The following TTC28 variants were observed in gnomAD, a reference collection of about 807,000 sequenced individuals.
TTC28 encodes the protein tetratricopeptide repeat protein 28.
A neutral mutation model predicts 198.0 loss-of-function variants in TTC28; 61 were observed. That is an observed-to-expected ratio of 0.31 (90% CI 0.25 to 0.38). TTC28 has a LOEUF of 0.38. TTC28 is among the 10% of genes least tolerant of loss of function. The pLI, the probability that TTC28 is intolerant of heterozygous loss-of-function variation, is 1.00. For missense variants in TTC28, 2,678 were observed against 3,164.0 expected, an observed-to-expected ratio of 0.85 and a Z score of 3.69; for synonymous variants, 1,171 against 1,297.8, an observed-to-expected ratio of 0.90 and a Z score of 2.10.
chr22:28,570,601 T>C (rs557101268), intron 2 of TTC28, among the ~76,000 whole-genome samples: 1 of 152,306 alleles, frequency 6.6e-6, no homozygotes, highest in East Asian at 1.9e-4. Context: ...TTGGGTGCTA[T>C]GTTTATTACC....
intron 2 of TTC28, among the ~76,000 whole-genome samples, chr22:28,388,708 C>T (rs1349771749): frequency 2.6e-5 from 4 of 152,086 alleles, no homozygotes; most frequent in African/African-American, 9.7e-5. Flanking sequence ...TGAGAATTTG[C>T]TCAAGTTGCT....
At chr22:28,045,157 A>C (rs1398370850) in intron 12 of TTC28, among the ~76,000 whole-genome samples, 1 of 152,190 alleles carries the variant, frequency 6.6e-6, no homozygotes, top group Admixed American at 6.5e-5. Flanking sequence ...CAACTCAACC[A>C]ATATGAATGC....
intron 6 of TTC28, among the ~76,000 whole-genome samples, chr22:28,140,797 G>A (rs184747309): frequency 5.0e-4 from 76 of 151,882 alleles, no homozygotes; most frequent in African/African-American, 1.7e-3. Flanking sequence ...CAGAAATGAC[G>A]TTTTTTTTCC....
chr22:28,266,680 A>G (rs1931704484), intron 5 of TTC28, among the ~76,000 whole-genome samples: 1 of 152,198 alleles, frequency 6.6e-6, no homozygotes, highest in Non-Finnish European at 1.5e-5. Context: ...GGAAATTGCC[A>G]AGCCACTGAC....
At chr22:28,022,209 C>G (rs1938638602) in intron 13 of TTC28, among the ~76,000 whole-genome samples, 1 of 152,188 alleles carries the variant, frequency 6.6e-6, no homozygotes, top group African/African-American at 2.4e-5. Flanking sequence ...CTCATCTGGC[C>G]TGTGCCCTCT....
chr22:28,387,906 C>T (rs1383571930), intron 2 of TTC28, among the ~76,000 whole-genome samples: 15 of 152,138 alleles, frequency 9.9e-5, no homozygotes, highest in South Asian at 4.1e-4. Context: ...GTTTTAGACA[C>T]GAAGTCCTTA....
intron 2 of TTC28, among the ~76,000 whole-genome samples, chr22:28,478,687 G>A (rs1378148024): frequency 6.6e-6 from 1 of 152,064 alleles, no homozygotes; most frequent in Non-Finnish European, 1.5e-5. Context: ...AAAACTGGTG[G>A]TGATGAGCAT....
At chr22:28,223,606 C>G (rs1928051992) in intron 5 of TTC28, among the ~76,000 whole-genome samples, 1 of 152,092 alleles carries the variant, frequency 6.6e-6, no homozygotes, top group Non-Finnish European at 1.5e-5. Flanking sequence ...CCTGAACTTC[C>G]CAAAGAGATT....
intron 13 of TTC28, among the ~76,000 whole-genome samples, chr22:28,017,682 T>A (rs1017362684): frequency 2.6e-5 from 4 of 152,106 alleles, no homozygotes; most frequent in African/African-American, 9.7e-5. Flanking sequence ...GATCTGGGGT[T>A]ATCTATGGGG....
intron 5 of TTC28, among the ~76,000 whole-genome samples, chr22:28,164,863 G>A (rs1921712686): frequency 6.6e-6 from 1 of 152,234 alleles, no homozygotes; most frequent in Admixed American, 6.5e-5. Context: ...GAAGGCTTCA[G>A]ATGATCAAAC....
Position 27,982,006 on chromosome 22 carries a change from C to T in TTC28, c.*215G>A, listed in dbSNP as rs1022581498. On this transcript the variant is annotated 3_prime_UTR_variant, in exon 23 of 23. Transcript: ENST00000397906. This position sits in a 1 kb window ranked among gnomAD's most constrained non-coding sequence, Gnocchi z 5.2. Reference sequence around the variant, plus strand: ...TAGGAAATTCCATGAGCCTCCTGTACCAGCCCCACAGAAGTCCTGGCTTTT... The same window carrying T: ...TAGGAAATTCCATGAGCCTCCTGTATCAGCCCCACAGAAGTCCTGGCTTTT... 2.8e-5 allele frequency: 13 copies of T among 471,368 alleles called. No homozygotes were observed. Among genetic ancestry groups the T allele is most frequent in the African/African-American group, 2.4e-4 (12 of 50,574 alleles). The allele number at this position is 471,368 out of a possible 1,614,324, so 29.2% of individuals were successfully genotyped here.
rs1038588613 is a variant in TTC28, at chr22:28,001,568, C to T, written c.4219-15G>A. 4.1e-5 allele frequency: 64 copies of T among 1,543,888 alleles called. No individual in the cohort carries two copies. Among genetic ancestry groups the T allele is most frequent in the Non-Finnish European group, 5.1e-5 (58 of 1,141,682 alleles). The stretch of plus-strand genomic sequence containing the variant: ...TGCATCAGGCCCTATGGAGCAAGCA[C>T]GGAGAGGCTGACATGGGTGGCCCAG... On this transcript the variant is annotated splice_polypyrimidine_tract_variant and intron_variant, in intron 14 of 22. Coordinates refer to ENST00000397906, the MANE Select transcript of TTC28 (RefSeq NM_001145418.2).
intron 2 of TTC28, among the ~76,000 whole-genome samples, chr22:28,399,912 CAG>C (rs1251035697): frequency 6.6e-6 from 1 of 152,112 alleles, no homozygotes; most frequent in Non-Finnish European, 1.5e-5. Context: ...ATAATAATAA[CAG>C]AAATATGCAC....
intron 2 of TTC28, among the ~76,000 whole-genome samples, chr22:28,608,965 A>G (rs993863506): frequency 2.6e-5 from 4 of 152,194 alleles, no homozygotes; most frequent in African/African-American, 9.7e-5. Context: ...GCCACATTAT[A>G]TTACCTAAAA....
At chr22:28,285,340 T>C (rs1409983605) in intron 5 of TTC28, among the ~76,000 whole-genome samples, 2 of 152,198 alleles carry the variant, frequency 1.3e-5, no homozygotes, top group Admixed American at 6.5e-5. Flanking sequence ...TCCACTTATA[T>C]ATGAAACTTT....
intron 1 of TTC28, among the ~76,000 whole-genome samples, chr22:28,636,287 G>A (rs778434335): frequency 9.2e-5 from 14 of 151,798 alleles, no homozygotes; most frequent in Non-Finnish European, 1.8e-4. Flanking sequence ...CACCATGTCC[G>A]GCTAATTTTT....
intron 12 of TTC28, among the ~76,000 whole-genome samples, chr22:28,062,060 T>G (rs1940563509): frequency 2.0e-5 from 3 of 149,422 alleles, no homozygotes; most frequent in Non-Finnish European, 4.5e-5. Context: ...GTCTACTATC[T>G]TTTTTTTTTG....
intron 5 of TTC28, among the ~76,000 whole-genome samples, chr22:28,169,903 C>G (rs1922476931): frequency 6.6e-6 from 1 of 151,742 alleles, no homozygotes; most frequent in South Asian, 2.1e-4. Context: ...ACATCATACT[C>G]TTAAAAAAAA....
At chr22:28,377,422 T>C (rs374365590) in intron 2 of TTC28, among the ~76,000 whole-genome samples, 1 of 151,878 alleles carries the variant, frequency 6.6e-6, no homozygotes, top group Non-Finnish European at 1.5e-5. Flanking sequence ...TATTTATATA[T>C]CACTTTATAG....
Sources: allele counts gnomAD v4.1 joint callset (sites outside exome capture counted in the v4.1 genomes callset), GRCh38; gene constraint gnomAD v4.1.1; non-coding constraint Gnocchi (gnomAD v3.1); transcripts MANE v1.5; gene names NCBI Gene and HGNC (gene_info 2026-07-23, HGNC 2026-07-21).